Variants in KLHL1 observed in about 807,000 individuals in gnomAD.
KLHL1 encodes the protein kelch-like protein 1.
KLHL1 carries 47 observed loss-of-function variants against 77.7 expected under a neutral mutation model. The observed-to-expected ratio is 0.60, with a 90% CI of 0.48 to 0.77. The LOEUF is 0.77. KLHL1 is among the 30% of genes least tolerant of loss of function. The probability of loss-of-function intolerance (pLI) is 0.00; values close to 1 mark genes in which losing one functional copy is unlikely to be tolerated. For missense variants in KLHL1, 925 were observed against 910.8 expected, an observed-to-expected ratio of 1.02 and a Z score of -0.20; for synonymous variants, 360 against 325.2, an observed-to-expected ratio of 1.11 and a Z score of -1.15.
intron 7 of KLHL1, among the ~76,000 whole-genome samples, chr13:69,746,312 T>G (rs185104152): frequency 6.6e-6 from 1 of 151,782 alleles, no homozygotes; most frequent in African/African-American, 2.4e-5. Context: ...TTGGCTTACT[T>G]CAATGACATT....
At position 69,718,411 on chromosome 13, in the gene KLHL1, G is replaced by A. The variant is rs113270278; in HGVS notation, c.2015+958C>T. Reference sequence around the variant, plus strand: ...GAGACCAGCAATGATCAATATTCTAGGTTTTTTTTTCATTTTGAGTACCAG... The same window carrying A: ...GAGACCAGCAATGATCAATATTCTAAGTTTTTTTTTCATTTTGAGTACCAG... On this transcript the variant is annotated intron_variant, in intron 9 of 10. Transcript: ENST00000377844. Among the ~76,000 whole-genome samples the A allele has an allele frequency of 5.3e-3, 565 of 106,190 alleles. 8 individuals carry two copies. Among genetic ancestry groups the A allele is most frequent in the African/African-American group, 0.017 (544 of 32,812 alleles). The allele number at this position is 106,190 out of a possible 152,430, so 69.7% of individuals were successfully genotyped here. A position where few individuals can be genotyped will look rare whatever the true frequency, so the allele number is the denominator to read the frequency against.
At chr13:69,829,199 C>T (rs928360019) in intron 6 of KLHL1, among the ~76,000 whole-genome samples, 1 of 150,240 alleles carries the variant, frequency 6.7e-6, no homozygotes, top group Non-Finnish European at 1.5e-5. Flanking sequence ...TCACACAATT[C>T]ACTTCACTCC....
At chr13:69,892,119 A>C (rs1881443437) in intron 4 of KLHL1, among the ~76,000 whole-genome samples, 1 of 152,098 alleles carries the variant, frequency 6.6e-6, no homozygotes, top group South Asian at 2.1e-4. Flanking sequence ...CTCCTTGATA[A>C]ATTGCTGAAC....
chr13:69,757,844 C>A (rs897497578), intron 7 of KLHL1, among the ~76,000 whole-genome samples: 3 of 151,254 alleles, frequency 2.0e-5, no homozygotes, highest in Non-Finnish European at 4.4e-5. Context: ...GTAATCCCAG[C>A]TACTCAGGAG....
At chr13:69,963,070 AT>A (rs1306819055) in intron 2 of KLHL1, among the ~76,000 whole-genome samples, 18 of 151,598 alleles carry the variant, frequency 1.2e-4, no homozygotes, top group Non-Finnish European at 1.5e-4. Flanking sequence ...TAATTTCAGC[AT>A]TTTTTTTAGA....
chr13:70,017,957 CGT>C (rs1566502533), intron 1 of KLHL1, among the ~76,000 whole-genome samples: 1 of 151,872 alleles, frequency 6.6e-6, no homozygotes, highest in Non-Finnish European at 1.5e-5. Context: ...GTTAAAGAAA[CGT>C]GAAAATAAGC....
chr13:69,722,118 C>G (rs574094081), intron 8 of KLHL1, among the ~76,000 whole-genome samples: 81 of 152,100 alleles, frequency 5.3e-4, no homozygotes, highest in African/African-American at 1.8e-3. Context: ...TAGCACAGCT[C>G]TCGTACATAG....
intron 4 of KLHL1, among the ~76,000 whole-genome samples, chr13:69,909,938 C>T (rs1055880275): frequency 2.0e-5 from 3 of 152,070 alleles, no homozygotes; most frequent in Admixed American, 2.0e-4. Context: ...CTCACAGCGT[C>T]AAGGATCCTT....
intron 4 of KLHL1, among the ~76,000 whole-genome samples, chr13:69,898,645 C>G (rs1881735368): frequency 6.6e-6 from 1 of 152,152 alleles, no homozygotes; most frequent in African/African-American, 2.4e-5. Flanking sequence ...TGTACTTCTG[C>G]TCATCTTTAC....
chr13:69,827,701 A>T (rs1593866588), intron 6 of KLHL1, among the ~76,000 whole-genome samples: 1 of 148,218 alleles, frequency 6.7e-6, no homozygotes, highest in Non-Finnish European at 1.5e-5. Context: ...ACTGCACTCC[A>T]GCCTGGCGAC....
At chr13:69,785,425 A>T (rs1185889143) in intron 7 of KLHL1, among the ~76,000 whole-genome samples, 3 of 152,148 alleles carry the variant, frequency 2.0e-5, no homozygotes, top group Non-Finnish European at 2.9e-5. Context: ...TAACGAAATG[A>T]AGGCAGAAAT....
chr13:69,871,419 C>G (rs563770567), intron 5 of KLHL1, among the ~76,000 whole-genome samples: 2 of 152,136 alleles, frequency 1.3e-5, no homozygotes, highest in Non-Finnish European at 2.9e-5. Flanking sequence ...CCTTTAGTCA[C>G]GCTAATTTCT....
chr13:69,920,878 T>C (rs186363214), intron 4 of KLHL1, among the ~76,000 whole-genome samples: 54 of 152,254 alleles, frequency 3.5e-4, no homozygotes, highest in Middle Eastern at 3.4e-3. Flanking sequence ...AGATTGCACA[T>C]GAAATAAACA....
At chr13:69,800,666 T>G (rs1452853981) in intron 6 of KLHL1, among the ~76,000 whole-genome samples, 2 of 152,190 alleles carry the variant, frequency 1.3e-5, no homozygotes, top group Non-Finnish European at 2.9e-5. Flanking sequence ...CTTTATTAGC[T>G]TTCTATCTAA....
intron 1 of KLHL1, among the ~76,000 whole-genome samples, chr13:70,061,066 C>T (rs1301295605): frequency 6.6e-6 from 1 of 151,956 alleles, no homozygotes; most frequent in Non-Finnish European, 1.5e-5. Flanking sequence ...AATGCCGGTA[C>T]CACAGGCTGG....
intron 2 of KLHL1, among the ~76,000 whole-genome samples, chr13:69,970,657 A>G (rs1566458662): frequency 6.6e-6 from 1 of 152,230 alleles, no homozygotes; most frequent in East Asian, 1.9e-4. Context: ...GGTGGATCTT[A>G]AAGCACTGAC....
intron 1 of KLHL1, among the ~76,000 whole-genome samples, chr13:70,020,687 G>C (rs987497108): frequency 6.6e-6 from 1 of 151,958 alleles, no homozygotes. Flanking sequence ...TCACAAGTCG[G>C]CTGAATGCAT....
intron 5 of KLHL1, among the ~76,000 whole-genome samples, chr13:69,870,816 C>A (rs558880067): frequency 6.6e-6 from 1 of 151,808 alleles, no homozygotes; most frequent in African/African-American, 2.4e-5. Flanking sequence ...ACTCTATGTC[C>A]GGCACCTGGG....
chr13:69,745,366 A>G (rs1161035910), intron 7 of KLHL1, among the ~76,000 whole-genome samples: 1 of 152,000 alleles, frequency 6.6e-6, no homozygotes, highest in African/African-American at 2.4e-5. Context: ...TTAAATATGG[A>G]TATAAATTGT....
Sources: gnomAD v4.1 joint callset for allele counts (sites outside exome capture counted in the v4.1 genomes callset) on GRCh38, gnomAD v4.1.1 for gene constraint, MANE v1.5 for transcripts, NCBI Gene and HGNC (gene_info 2026-07-23, HGNC 2026-07-21) for gene names.